SSH2: variants seen among roughly 807,000 people sequenced by gnomAD.
SSH2 encodes slingshot protein phosphatase 2.
In SSH2, 37 loss-of-function variants were observed where a neutral mutation model predicts 135.2. The observed-to-expected ratio is 0.27, with a 90% CI of 0.21 to 0.36. The LOEUF (loss-of-function observed/expected upper bound fraction) is 0.36, where lower values mean the gene tolerates loss of function less well. Ranked by LOEUF, SSH2 falls within the 10% of genes least tolerant of loss-of-function variation. The pLI is 1.00. For synonymous variants in SSH2, 628 were observed against 646.2 expected, an observed-to-expected ratio of 0.97 and a Z score of 0.43; for missense variants, 1,408 against 1,765.3, an observed-to-expected ratio of 0.80 and a Z score of 3.63.
intron 1 of SSH2, among the ~76,000 whole-genome samples, chr17:29,898,740 A>T (rs1292449115): frequency 6.6e-6 from 1 of 152,216 alleles, no homozygotes; most frequent in African/African-American, 2.4e-5. Context: ...AAACTATTCC[A>T]ATCAATAGAA....
intron 2 of SSH2, among the ~76,000 whole-genome samples, chr17:29,827,804 A>T (rs956560955): frequency 6.6e-6 from 1 of 151,996 alleles, no homozygotes; most frequent in Non-Finnish European, 1.5e-5. Context: ...AAACCCCAGC[A>T]TAGCTACAAT....
intron 1 of SSH2, among the ~76,000 whole-genome samples, chr17:29,852,423 A>C (rs2065579905): frequency 6.6e-6 from 1 of 152,032 alleles, no homozygotes; most frequent in South Asian, 2.1e-4. Flanking sequence ...ATGGCATTAC[A>C]ACATAATTGG....
At chr17:29,761,881 A>ATT (rs1174531285) in intron 3 of SSH2, among the ~76,000 whole-genome samples, 3 of 130,528 alleles carry the variant, frequency 2.3e-5, no homozygotes, top group African/African-American at 6.0e-5. Flanking sequence ...GTATATATAT[A>ATT]TATATATTTT....
At chr17:29,636,861 TC>T in intron 14 of SSH2, 59 bp from the exon 15 acceptor site, 2 of 1,225,284 alleles carry the variant, frequency 1.6e-6, no homozygotes, top group Non-Finnish European at 2.3e-6. Context: ...ATCAACACCC[TC>T]CCAGGAAAAC....
chr17:29,843,962 C>T (rs952229524), intron 2 of SSH2, among the ~76,000 whole-genome samples: 1 of 152,122 alleles, frequency 6.6e-6, no homozygotes, highest in Non-Finnish European at 1.5e-5. Context: ...GAAGAGAATG[C>T]AGATCTATAG....
intron 8 of SSH2, among the ~76,000 whole-genome samples, chr17:29,672,989 G>A (rs2037555998): frequency 6.6e-6 from 1 of 152,082 alleles, no homozygotes. Flanking sequence ...TTACAGGCGT[G>A]AGCCACCGTG....
intron 1 of SSH2, among the ~76,000 whole-genome samples, chr17:29,889,819 A>C (rs2066314347): frequency 6.7e-6 from 1 of 149,972 alleles, no homozygotes; most frequent in Non-Finnish European, 1.5e-5. Flanking sequence ...AAAAAAAAAA[A>C]AAAAAAAAAC....
chr17:29,679,553 T>A (rs2037880191), intron 6 of SSH2, among the ~76,000 whole-genome samples: 1 of 152,074 alleles, frequency 6.6e-6, no homozygotes, highest in Admixed American at 6.6e-5. Context: ...ATTACAGGCA[T>A]GCACTACCAC....
At chr17:29,735,445 C>T (rs2040332250) in intron 3 of SSH2, among the ~76,000 whole-genome samples, 1 of 152,042 alleles carries the variant, frequency 6.6e-6, no homozygotes, top group South Asian at 2.1e-4. Context: ...GCCTGTGATC[C>T]CAGAACTTTG....
intron 3 of SSH2, among the ~76,000 whole-genome samples, chr17:29,769,984 C>A (rs979437503): frequency 2.6e-5 from 4 of 151,964 alleles, no homozygotes; most frequent in African/African-American, 4.8e-5. Flanking sequence ...AATTTAAATC[C>A]TACTATAATC....
chr17:29,742,423 A>G (rs982108398), intron 3 of SSH2, among the ~76,000 whole-genome samples: 2 of 148,434 alleles, frequency 1.3e-5, no homozygotes, highest in African/African-American at 5.0e-5. Context: ...GGCTCAAACA[A>G]TCCTCCTGGG....
intron 3 of SSH2, among the ~76,000 whole-genome samples, chr17:29,774,806 G>A (rs1334825148): frequency 6.6e-6 from 1 of 152,166 alleles, no homozygotes; most frequent in Non-Finnish European, 1.5e-5. Flanking sequence ...AAACTGTAAG[G>A]TGCAGGATGG....
intron 1 of SSH2, among the ~76,000 whole-genome samples, chr17:29,913,543 T>C (rs1887172764): frequency 6.7e-6 from 1 of 150,152 alleles, no homozygotes; most frequent in African/African-American, 2.4e-5. Flanking sequence ...TTTCCAGTTA[T>C]GAAATTCTGT....
intron 3 of SSH2, among the ~76,000 whole-genome samples, chr17:29,742,481 G>GTTTTTTTTTTTTTTTTT (rs35446491): frequency 2.2e-5 from 2 of 90,652 alleles, no homozygotes; most frequent in Non-Finnish European, 2.0e-5. Context: ...ACCACACCCA[G>GTTTTTTTTTTTTTTTTT]TTTTTTTTTT....
chr17:29,759,983 C>A (rs2041238944), intron 3 of SSH2, among the ~76,000 whole-genome samples: 2 of 152,108 alleles, frequency 1.3e-5, no homozygotes, highest in Non-Finnish European at 2.9e-5. Flanking sequence ...AATTGTGGAG[C>A]TTTTACAGTA....
intron 3 of SSH2, among the ~76,000 whole-genome samples, chr17:29,744,608 T>A (rs935096287): frequency 6.6e-6 from 1 of 152,170 alleles, no homozygotes; most frequent in African/African-American, 2.4e-5. Flanking sequence ...TGTACATTGC[T>A]TATATAGAAC....
At chr17:29,696,344 G>GTA (rs146330175) in intron 4 of SSH2, among the ~76,000 whole-genome samples, 5 of 146,656 alleles carry the variant, frequency 3.4e-5, no homozygotes, top group South Asian at 2.1e-4. Flanking sequence ...ACATATGTGT[G>GTA]TATATATATA....
In SSH2 at chr17:29,630,686, TAC is replaced by T; in HGVS notation, c.*153_*154del. 1.5e-6 allele frequency: 1 copy of T among 674,064 alleles called. No homozygotes were observed. Among genetic ancestry groups the T allele is most frequent in the South Asian group, 2.2e-5 (1 of 44,884 alleles). The allele number at this position is 674,064 out of a possible 1,614,324, so 41.8% of individuals were successfully genotyped here. On this transcript the variant is annotated 3_prime_UTR_variant, in exon 16 of 16. Transcript: ENST00000540801. Reference sequence around the variant, plus strand: ...CTTTCCCCTTACATATACACACACATACACACTGAAAAACACCCAAACCCTGC... The same window carrying T: ...CTTTCCCCTTACATATACACACACATACACTGAAAAACACCCAAACCCTGC...
intron 14 of SSH2, chr17:29,643,080 G>A (rs946465821): frequency 3.1e-6 from 3 of 959,698 alleles, no homozygotes; most frequent in African/African-American, 3.5e-5. Flanking sequence ...ATTTTTCTAA[G>A]GATTTTCCTC....
Sources: allele counts gnomAD v4.1 joint callset (sites outside exome capture counted in the v4.1 genomes callset), GRCh38; gene constraint gnomAD v4.1.1; transcripts MANE v1.5; gene names NCBI Gene and HGNC (gene_info 2026-07-23, HGNC 2026-07-21).